The following C7 variants were observed in gnomAD, a reference collection of about 807,000 sequenced individuals.
C7 encodes complement C7.
A neutral mutation model predicts 104.8 loss-of-function variants in C7; 83 were observed. The observed-to-expected ratio is 0.79, with a 90% confidence interval of 0.66 to 0.95. C7 has a LOEUF of 0.95. Ranked by LOEUF, C7 falls within the 40% of genes least tolerant of loss-of-function variation. C7 has a pLI of 0.00. For missense variants in C7, 1,070 were observed against 1,011.2 expected (o/e 1.06, Z -0.79); for synonymous variants, 415 against 360.6 (o/e 1.15, Z -1.71).
chr5:40,947,427 TGATTGCGTCCA>T lies in C7; in HGVS notation c.739-173_739-163del, dbSNP rs551298326. Among the ~76,000 whole-genome samples, 118 of 152,250 alleles carry T rather than the reference TGATTGCGTCCA, an allele frequency of 7.8e-4. 1 individual carries two copies. Among genetic ancestry groups the T allele is most frequent in the African/African-American group, 2.8e-3 (117 of 41,554 alleles). On this transcript the variant is annotated intron_variant, in intron 7 of 17. Transcript: ENST00000313164. ...TACTATTTGAGACTCCAAATATTCC[TGATTGCGTCCA>T]GTAAGTGGGCCCATAAGAGTGCTCA...
chr5:40,926,125 T>C (rs1739545029), intron 1 of C7, among the ~76,000 whole-genome samples: 1 of 152,212 alleles, frequency 6.6e-6, no homozygotes, highest in Non-Finnish European at 1.5e-5. Context: ...AATAAATATG[T>C]TGTATGAGAT....
At chr5:40,953,530 A>G (rs1342427271) in intron 9 of C7, among the ~76,000 whole-genome samples, 1 of 149,952 alleles carries the variant, frequency 6.7e-6, no homozygotes, top group African/African-American at 2.4e-5. Context: ...AGTCCCAGCT[A>G]CTTGGGAGGC....
At chr5:40,944,888 C>A (rs1740012835) in intron 6 of C7, among the ~76,000 whole-genome samples, 3 of 151,922 alleles carry the variant, frequency 2.0e-5, no homozygotes, top group Non-Finnish European at 4.4e-5. Context: ...GTCAGTGTAG[C>A]TTTTGTTAAT....
In C7 at chr5:40,959,539, C is replaced by G; in HGVS notation, c.1580C>G (p.Pro527Arg). ...KTRSRECNNP[P>R]PSGGGRSCVG... ...AGAAGCCGTGAATGCAATAACCCAC[C>G]TCCCAGTGGGGGTGGGAGATCCTGC... The change falls in exon 12 of 18, where the codon CCT becomes CGT. Residue 527 changes from proline to arginine, a missense_variant. Physicochemically the swap from Pro to Arg is moderately radical, Grantham distance 103. Transcript: ENST00000313164. 6.2e-7 allele frequency: 1 copy of G among 1,611,358 alleles called. No homozygotes were observed. The highest frequency in any genetic ancestry group is 8.5e-7 in the Non-Finnish European group (1 of 1,179,194).
Position 40,937,446 on chromosome 5 carries a change from T to G in C7, c.429-106T>G, listed in dbSNP as rs1470800077. On this transcript the variant is annotated intron_variant, in intron 5 of 17. Coordinates refer to ENST00000313164, the MANE Select transcript of C7 (RefSeq NM_000587.4). The stretch of plus-strand genomic sequence containing the variant: ...AAGAAGTGTTTAAGTGTAATGCATT[T>G]TAAGAATTTGTAGAGTTCTGTAATA... 4.3e-6 allele frequency: 5 copies of G among 1,150,024 alleles called. No homozygotes were observed. In the African/African-American group the frequency reaches 6.2e-5, roughly 14 times the overall value. The allele number at this position is 1,150,024 out of a possible 1,614,324, so 71.2% of individuals were successfully genotyped here.
Position 40,939,265 on chromosome 5 carries a change from C to T in C7, c.567+1575C>T, listed in dbSNP as rs114129502. 9.7e-3 allele frequency among the ~76,000 whole-genome samples: 1,471 copies of T among 152,246 alleles called. 25 individuals are homozygous for T. Among genetic ancestry groups the T allele is most frequent in the African/African-American group, 0.034 (1,419 of 41,526 alleles). On this transcript the variant is annotated intron_variant, in intron 6 of 17. Coordinates refer to ENST00000313164, the MANE Select transcript of C7 (RefSeq NM_000587.4). ...TGAGTAATATAAATGAGAAGTAAAA[C>T]AGATCTGAAAAATAATTGTAGCTAC...
chr5:40,981,241 T>C (rs1740934432), intron 17 of C7, 151 bp from the exon 18 acceptor site: 2 of 745,428 alleles, frequency 2.7e-6, no homozygotes, highest in Non-Finnish European at 4.3e-6. Context: ...AATTTCCTGG[T>C]CCTACTGCTT....
chr5:40,933,211 T>C (rs1739733916), intron 3 of C7, among the ~76,000 whole-genome samples: 2 of 152,182 alleles, frequency 1.3e-5, no homozygotes, highest in African/African-American at 4.8e-5. Context: ...GTTCAAATTA[T>C]GGCCACTGTG....
At chr5:40,966,939 T>G (rs959976130) in intron 14 of C7, among the ~76,000 whole-genome samples, 10 of 152,176 alleles carry the variant, frequency 6.6e-5, no homozygotes, top group Non-Finnish European at 1.3e-4. Flanking sequence ...TATTTGCTAG[T>G]TGGGAGTTAA....
chr5:40,945,579 C>T (rs1740028979), intron 7 of C7, among the ~76,000 whole-genome samples: 3 of 151,990 alleles, frequency 2.0e-5, no homozygotes, highest in Admixed American at 2.0e-4. Context: ...TTTATACTGG[C>T]CAGGCACAGT....
chr5:40,965,600 C>T (rs1019126611), intron 14 of C7, among the ~76,000 whole-genome samples: 2 of 150,380 alleles, frequency 1.3e-5, no homozygotes, highest in African/African-American at 4.9e-5. Context: ...CACTTGATAG[C>T]ATCAGACACA....
rs955203154 is a variant in C7 at position 40,983,370 on chromosome 5, A to G, written c.*1797A>G. ...ACCATGCCCCCTTCCTAAATAATAC[A>G]GAGGATATGGTCAGCATTATCACAT... On this transcript the variant is annotated 3_prime_UTR_variant, in exon 18 of 18. Transcript: ENST00000313164. 1.3e-5 allele frequency among the ~76,000 whole-genome samples: 2 copies of G among 152,210 alleles called. No homozygotes were observed. Among genetic ancestry groups the G allele is most frequent in the African/African-American group, 4.8e-5 (2 of 41,452 alleles).
At chr5:40,940,565 C>T (rs184488864) in intron 6 of C7, among the ~76,000 whole-genome samples, 71 of 152,266 alleles carry the variant, frequency 4.7e-4, no homozygotes, top group Non-Finnish European at 6.8e-4. Context: ...AAAACAAATT[C>T]TAAAGGCAAT....
chr5:40,918,774 C>G (rs1466863698), intron 1 of C7, among the ~76,000 whole-genome samples: 3 of 151,556 alleles, frequency 2.0e-5, no homozygotes, highest in Non-Finnish European at 4.4e-5. Flanking sequence ...ATGCACCCAA[C>G]TTCAGAGAAC....
chr5:40,934,413 C>A lies in C7; in HGVS notation c.227C>A (p.Thr76Lys). 6.2e-7 allele frequency: 1 copy of A among 1,613,752 alleles called. No homozygotes were observed. Among genetic ancestry groups the A allele is most frequent in the Non-Finnish European group, 8.5e-7 (1 of 1,179,728 alleles). Residue 76 changes from threonine to lysine, a missense_variant, in exon 4 of 18, where the codon ACA (threonine) becomes AAA (lysine). Coordinates refer to ENST00000313164, the MANE Select transcript of C7 (RefSeq NM_000587.4). ...NAFETQSCEP[T>K]RGCPTEEGCG... ...TTTGAAACACAGTCCTGTGAACCTA[C>A]AAGAGGATGTCCAACAGAGGAGGGA...
chr5:40,943,253 G>A (rs980816947), intron 6 of C7, among the ~76,000 whole-genome samples: 3 of 152,204 alleles, frequency 2.0e-5, no homozygotes, highest in African/African-American at 7.2e-5. Flanking sequence ...GGAAGAACAT[G>A]TTTCTATAAT....
intron 14 of C7, among the ~76,000 whole-genome samples, chr5:40,969,297 A>G (rs1389497431): frequency 6.6e-6 from 1 of 152,034 alleles, no homozygotes; most frequent in Non-Finnish European, 1.5e-5. Flanking sequence ...CTCTGTTGTA[A>G]TTCTCCATCT....
chr5:40,950,087 C>T (rs978254005), intron 9 of C7, 73 bp downstream of exon 9: 24 of 843,640 alleles, frequency 2.8e-5, no homozygotes, highest in East Asian at 1.1e-4. Context: ...CAAGGGTACG[C>T]GTGAAGTTAT....
At chr5:40,981,270 T>G in intron 17 of C7, 122 bp from the exon 18 acceptor site, 1 of 920,336 alleles carries the variant, frequency 1.1e-6, no homozygotes, top group Non-Finnish European at 1.7e-6. Context: ...GATAATTTAT[T>G]ATGTCATTCC....
Sources: allele counts gnomAD v4.1 joint callset (sites outside exome capture counted in the v4.1 genomes callset), GRCh38; gene constraint gnomAD v4.1.1; transcripts MANE v1.5; gene names NCBI Gene and HGNC (gene_info 2026-07-23, HGNC 2026-07-21).